The following EYS variants were observed in gnomAD, a reference collection of about 807,000 sequenced individuals.
The protein encoded by EYS is protein eyes shut homolog.
A neutral mutation model predicts 282.1 loss-of-function variants in EYS; 250 were observed. The observed-to-expected ratio is 0.89, with a 90% CI of 0.80 to 0.98. The LOEUF is 0.98. Ranked by LOEUF, EYS falls within the 50% of genes least tolerant of loss-of-function variation. The pLI, the probability that EYS is intolerant of heterozygous loss-of-function variation, is 0.00. For missense variants in EYS, 4,016 were observed against 3,709.0 expected, an observed-to-expected ratio of 1.08 and a Z score of -2.15; for synonymous variants, 1,355 against 1,282.9, an observed-to-expected ratio of 1.06 and a Z score of -1.20.
chr6:65,189,057 A>G (rs1315476089), intron 12 of EYS, among the ~76,000 whole-genome samples: 1 of 151,696 alleles, frequency 6.6e-6, no homozygotes, highest in African/African-American at 2.4e-5. Context: ...TTATATAGTT[A>G]CAGTTTTAAT....
intron 5 of EYS, among the ~76,000 whole-genome samples, chr6:65,468,474 C>G (rs945353743): frequency 7.9e-5 from 12 of 151,802 alleles, no homozygotes; most frequent in Admixed American, 1.3e-4. Flanking sequence ...TAACAGCCAG[C>G]CTTTAAAGTT....
Position 63,769,997 on chromosome 6 carries a change from G to A in EYS, c.7899-7364C>T, listed in dbSNP as rs182175000. Among the ~76,000 whole-genome samples the A allele has an allele frequency of 5.7e-4, 87 of 152,092 alleles. No homozygotes were observed. In the East Asian group the frequency reaches 0.016, roughly 27 times the overall value. ...GCATTGTACTTCGTTACCAAGGTGA[G>A]TACAAAATAGAAAACATGGTCTTGT... On this transcript the variant is annotated intron_variant, in intron 40 of 42. Transcript: ENST00000503581.
intron 2 of EYS, among the ~76,000 whole-genome samples, chr6:65,508,878 C>G (rs958378617): frequency 1.3e-5 from 2 of 152,038 alleles, no homozygotes; most frequent in African/African-American, 4.8e-5. Flanking sequence ...CTCCCCACTC[C>G]CTGGATCCCA....
intron 22 of EYS, among the ~76,000 whole-genome samples, chr6:64,684,024 C>G (rs1769995807): frequency 2.0e-5 from 3 of 152,196 alleles, no homozygotes; most frequent in Admixed American, 2.0e-4. Context: ...TTCAATAAAC[C>G]TGTGTTGCTG....
chr6:63,858,050 G>A (rs1039137323), intron 36 of EYS, among the ~76,000 whole-genome samples: 1 of 152,148 alleles, frequency 6.6e-6, no homozygotes, highest in Non-Finnish European at 1.5e-5. Context: ...GGACCAGGGT[G>A]CCTGGGGAAG....
intron 28 of EYS, among the ~76,000 whole-genome samples, chr6:64,418,050 T>A (rs927761244): frequency 6.6e-6 from 1 of 152,180 alleles, no homozygotes; most frequent in African/African-American, 2.4e-5. Flanking sequence ...TTCATATGAT[T>A]GTTTAGATTC....
chr6:64,679,203 T>C (rs1020029329), intron 22 of EYS, among the ~76,000 whole-genome samples: 1 of 152,140 alleles, frequency 6.6e-6, no homozygotes, highest in South Asian at 2.1e-4. Flanking sequence ...GGTTCTTTTT[T>C]TTTATGGATG....
At chr6:64,625,217 A>G (rs1337504797) in intron 23 of EYS, among the ~76,000 whole-genome samples, 2 of 152,200 alleles carry the variant, frequency 1.3e-5, no homozygotes, top group Non-Finnish European at 1.5e-5. Context: ...AAGAAAAAAG[A>G]AGGAAAAAAA....
chr6:65,563,595 C>T (rs1386166902), intron 2 of EYS, among the ~76,000 whole-genome samples: 2 of 151,600 alleles, frequency 1.3e-5, no homozygotes, highest in African/African-American at 4.8e-5. Flanking sequence ...CTAAAGAAAA[C>T]CCCACTTTCC....
intron 19 of EYS, among the ~76,000 whole-genome samples, chr6:64,832,755 A>G (rs1765263406): frequency 6.6e-6 from 1 of 151,942 alleles, no homozygotes; most frequent in Non-Finnish European, 1.5e-5. Flanking sequence ...AAATGTATGT[A>G]GTGTTTTTGG....
chr6:64,795,673 T>A (rs78337490), intron 22 of EYS, among the ~76,000 whole-genome samples: 3,072 of 152,336 alleles, frequency 0.02, 101 homozygotes, highest in African/African-American at 0.069. Flanking sequence ...TATTGTTTCC[T>A]AATTGTTCTT....
At chr6:65,114,655 T>C (rs1042633649) in intron 12 of EYS, among the ~76,000 whole-genome samples, 2 of 151,910 alleles carry the variant, frequency 1.3e-5, no homozygotes, top group Non-Finnish European at 2.9e-5. Flanking sequence ...TACCATTCTT[T>C]CTTTGTGGTA....
At chr6:64,537,472 A>C (rs1764557923) in intron 26 of EYS, among the ~76,000 whole-genome samples, 1 of 152,138 alleles carries the variant, frequency 6.6e-6, no homozygotes, top group African/African-American at 2.4e-5. Flanking sequence ...TGGATAAATC[A>C]ATACATTCTG....
At chr6:64,052,224 T>C (rs1271470405) in intron 33 of EYS, among the ~76,000 whole-genome samples, 1 of 152,148 alleles carries the variant, frequency 6.6e-6, no homozygotes, top group African/African-American at 2.4e-5. Context: ...AATAAAAAAA[T>C]CACTCCTCTT....
chr6:64,341,226 C>T (rs1287589836), intron 29 of EYS, among the ~76,000 whole-genome samples: 1 of 151,698 alleles, frequency 6.6e-6, no homozygotes, highest in Admixed American at 6.6e-5. Flanking sequence ...GGAATATAGT[C>T]ATTATACCAA....
chr6:64,673,143 A>G (rs1583024597), intron 22 of EYS, among the ~76,000 whole-genome samples: 1 of 152,174 alleles, frequency 6.6e-6, no homozygotes, highest in Non-Finnish European at 1.5e-5. Flanking sequence ...CTGTAAAAAC[A>G]AAATGCCATA....
intron 22 of EYS, among the ~76,000 whole-genome samples, chr6:64,798,607 G>GT (rs57597318): frequency 0.31 from 33,594 of 106,768 alleles, 5,746 homozygotes; most frequent in Admixed American, 0.37. Flanking sequence ...TTTGTTTCTG[G>GT]TTTTTTTTTT....
At chr6:63,875,447 T>C (rs948480935) in intron 35 of EYS, among the ~76,000 whole-genome samples, 2 of 152,220 alleles carry the variant, frequency 1.3e-5, no homozygotes, top group Non-Finnish European at 1.5e-5. Context: ...TTTTGTTGTG[T>C]CTCGGCCAGG....
At chr6:63,849,766 TCTC>T (rs1294258302) in intron 36 of EYS, among the ~76,000 whole-genome samples, 1 of 152,120 alleles carries the variant, frequency 6.6e-6, no homozygotes, top group Admixed American at 6.5e-5. Flanking sequence ...GAATGCCTCT[TCTC>T]CTCCAAAGGA....
Sources: allele counts gnomAD v4.1 joint callset (sites outside exome capture counted in the v4.1 genomes callset), GRCh38; gene constraint gnomAD v4.1.1; transcripts MANE v1.5; gene names NCBI Gene and HGNC (gene_info 2026-07-23, HGNC 2026-07-21).